Variants in PKD1L3 observed in about 807,000 individuals in gnomAD.
PKD1L3 encodes polycystin 1 like 3, transient receptor potential channel interacting.
A neutral mutation model predicts 184.1 loss-of-function variants in PKD1L3; 239 were observed. The ratio of observed to expected loss-of-function variants is 1.30; its 90% CI spans 1.17 to 1.45. The LOEUF (loss-of-function observed/expected upper bound fraction) is 1.45. PKD1L3 is among the 40% of genes most tolerant of loss of function. The pLI is 0.00. For missense variants in PKD1L3, 2,660 were observed against 2,067.2 expected (o/e 1.29, Z -5.56); for synonymous variants, 996 against 778.8 (o/e 1.28, Z -4.64).
rs545744516 is a variant in PKD1L3 at position 71,970,404 on chromosome 16, T to C, written c.1954-299A>G. ...AAAGGAATGTTTTGTCACCTTTGTC[T>C]ATAATTATCAAAAATAGGAAACAAC... is the stretch of plus-strand genomic sequence containing the variant. On this transcript the variant is annotated intron_variant, in intron 12 of 29. Transcript: ENST00000620267. 2.0e-5 allele frequency among the ~76,000 whole-genome samples: 3 copies of C among 152,354 alleles called. No homozygotes were observed. The South Asian group carries it at 6.2e-4, about 32-fold the overall frequency.
At chr16:71,957,897 A>G (rs943830663) in intron 16 of PKD1L3, among the ~76,000 whole-genome samples, 1 of 152,258 alleles carries the variant, frequency 6.6e-6, no homozygotes, top group Non-Finnish European at 1.5e-5. Flanking sequence ...GTCAATTAAG[A>G]AGATAAATTC....
At chr16:71,945,406 A>G (rs1394172832) in intron 22 of PKD1L3, among the ~76,000 whole-genome samples, 4 of 64,434 alleles carry the variant, frequency 6.2e-5, no homozygotes. Context: ...ATATTTATTT[A>G]TTTATTTATT....
At position 71,947,577 on chromosome 16, in the gene PKD1L3, T is replaced by C. The variant is rs1377321543; in HGVS notation, c.3633A>G (p.Thr1211=). The change falls in exon 22 of 30, where the codon ACA becomes ACG. Residue 1211 remains threonine (T), a synonymous_variant. Coordinates refer to ENST00000620267, the MANE Select transcript of PKD1L3 (RefSeq NM_181536.2). ...TGCTCATCATCAGTGAGTATAAGAA[T>C]GTGAAGAAGACCACCTGGGCAGGAG... ...ISQPVKVVFF[T]FLYSLMMSRM... 2 of 1,543,868 alleles carry C rather than the reference T, an allele frequency of 1.3e-6. No individual in the cohort carries two copies. Among genetic ancestry groups the C allele is most frequent in the South Asian group, 1.2e-5 (1 of 83,866 alleles).
rs943922925 is a variant in PKD1L3, at chr16:71,957,690, G to A, written c.2613-3389C>T. Among the ~76,000 whole-genome samples, 11 of 152,164 alleles carry A rather than the reference G, an allele frequency of 7.2e-5. No homozygotes were observed. The South Asian group carries it at 1.0e-3, about 14-fold the overall frequency. On this transcript the variant is annotated intron_variant, in intron 16 of 29. Coordinates refer to ENST00000620267, the MANE Select transcript of PKD1L3 (RefSeq NM_181536.2). ...CACATGCCTGTATTTCTAGCTACTC[G>A]GGAGGCTAAGGCAGGACAATTGCTT...
At chr16:71,941,231 A>T (rs1335673936) in intron 24 of PKD1L3, among the ~76,000 whole-genome samples, 2 of 151,058 alleles carry the variant, frequency 1.3e-5, no homozygotes, top group Admixed American at 1.3e-4. Flanking sequence ...TAGAGACAGT[A>T]AAGGATCAGA....
chr16:71,980,029 T>C lies in PKD1L3; in HGVS notation c.1249A>G (p.Asn417Asp). ...AACCTGCTCAGCAGCAGAGTAGCAT[T>C]GGCAGAGGTCAAAGTCACTGAAGAC... ...PESSVTLTSA[N>D]ATLLLSRQNI... is the part of the protein sequence containing the mutation. Residue 417 changes from asparagine (N) to aspartate (D), a missense_variant, in exon 8 of 30, where the codon AAT becomes GAT. Asn to Asp is a conservative substitution (Grantham distance 23). Coordinates refer to ENST00000620267, the MANE Select transcript of PKD1L3 (RefSeq NM_181536.2). The C allele has an allele frequency of 6.4e-7, 1 of 1,552,122 alleles. No homozygotes were observed. The highest frequency in any genetic ancestry group is 8.7e-7 in the Non-Finnish European group (1 of 1,147,092).
intron 3 of PKD1L3, 76 bp downstream of exon 3, chr16:71,993,140 A>C: frequency 9.7e-7 from 1 of 1,029,630 alleles, no homozygotes; most frequent in African/African-American, 1.6e-5. Flanking sequence ...TTTCAGCATT[A>C]ATTCAGTCTT....
At chr16:71,994,386 T>C (rs2040705332) in intron 2 of PKD1L3, among the ~76,000 whole-genome samples, 1 of 152,158 alleles carries the variant, frequency 6.6e-6, no homozygotes, top group African/African-American at 2.4e-5. Flanking sequence ...AGTCCTTCCA[T>C]GACTCTGACC....
chr16:71,974,786 T>C (rs2039856865), intron 11 of PKD1L3, among the ~76,000 whole-genome samples: 1 of 152,228 alleles, frequency 6.6e-6, no homozygotes, highest in Non-Finnish European at 1.5e-5. Context: ...TGAGCATTGC[T>C]GCCTCGGGGA....
intron 22 of PKD1L3, among the ~76,000 whole-genome samples, chr16:71,945,709 G>A (rs929319980): frequency 6.6e-6 from 1 of 151,886 alleles, no homozygotes; most frequent in African/African-American, 2.4e-5. Context: ...AAAATAACTA[G>A]AGGAGGGCAT....
rs145339592 is a variant in PKD1L3 at position 71,980,918 on chromosome 16, A to G, written c.1144-784T>C. 1.8e-3 allele frequency among the ~76,000 whole-genome samples: 272 copies of G among 152,276 alleles called. 1 individual carries two copies. Among genetic ancestry groups the G allele is most frequent in the African/African-American group, 6.4e-3 (265 of 41,558 alleles). ...TCCCTCTAGCTCTAGGCAACAACGA[A>G]TCTACTTTATGTGTCTACAGATTTG... is the stretch of plus-strand genomic sequence containing the variant. On this transcript the variant is annotated intron_variant, in intron 7 of 29. Transcript: ENST00000620267.
intron 24 of PKD1L3, among the ~76,000 whole-genome samples, chr16:71,939,207 C>T (rs2038280386): frequency 6.6e-6 from 1 of 152,268 alleles, no homozygotes; most frequent in Non-Finnish European, 1.5e-5. Flanking sequence ...AGCTGCCCAA[C>T]TCACTGCAGC....
Position 71,986,319 on chromosome 16 carries a change from G to A in PKD1L3, c.736C>T (p.Gln246Ter), listed in dbSNP as rs117071849. The A allele has an allele frequency of 5.5e-4, 846 of 1,552,120 alleles. 7 individuals carry two copies. In the East Asian group the frequency reaches 0.017, roughly 31 times the overall value. Residue 246 changes from glutamine to a stop codon, truncating the protein, a stop_gained, in exon 5 of 30, where the codon CAA (glutamine) becomes TAA (stop). Coordinates refer to ENST00000620267, the MANE Select transcript of PKD1L3 (RefSeq NM_181536.2). LOFTEE classifies it high-confidence loss of function. ...CTTGAAGTTGTTTCTGCCAGAGATT[G>A]CCCAGCATGCGTGACAGACACGGGC... ...TMPVSVTHAG[Q>*]SLAETTSSPK...
chr16:71,979,911 G>A lies in PKD1L3; in HGVS notation c.1273C>T (p.Gln425Ter), dbSNP rs1245074971. 7 of 1,550,734 alleles carry A rather than the reference G, an allele frequency of 4.5e-6. No homozygotes were observed. The highest frequency in any genetic ancestry group is 6.1e-6 in the Non-Finnish European group (7 of 1,146,872). ...SANATLLLSR[Q>*]NISTLPLSSY... ...CTCAGCGGTAAAGTTGATATGTTTT[G>A]TCTAATGAGAAAAGTTAAAATGGAA... Residue 425 changes from glutamine (Q) to a stop codon, truncating the protein, a stop_gained and splice_region_variant, in exon 9 of 30, where the codon CAA becomes TAA. Coordinates refer to ENST00000620267, the MANE Select transcript of PKD1L3 (RefSeq NM_181536.2). LOFTEE classifies it high-confidence loss of function.
chr16:71,952,710 C>T lies in PKD1L3; in HGVS notation c.3009+184G>A, dbSNP rs368288997. ...AATTAGCCAGACATGGTGTCACATGCCTGTAGTCCCAGCTACTTGGGAGGC... is the reference window on the plus strand; with the variant it reads ...AATTAGCCAGACATGGTGTCACATGTCTGTAGTCCCAGCTACTTGGGAGGC... On this transcript the variant is annotated intron_variant, in intron 18 of 29. Transcript: ENST00000620267. 7.9e-4 allele frequency among the ~76,000 whole-genome samples: 119 copies of T among 151,212 alleles called. 2 individuals carry two copies. The highest frequency in any genetic ancestry group is 2.7e-3 in the African/African-American group (111 of 41,272).
At chr16:71,967,614 G>A (rs192759035) in intron 14 of PKD1L3, among the ~76,000 whole-genome samples, 2 of 152,162 alleles carry the variant, frequency 1.3e-5, no homozygotes, top group African/African-American at 4.8e-5. Context: ...ATAGTCATGG[G>A]CCATCACGCT....
intron 26 of PKD1L3, among the ~76,000 whole-genome samples, 158 bp from the exon 27 acceptor site, chr16:71,934,283 G>T (rs1282252345): frequency 2.0e-5 from 3 of 152,198 alleles, no homozygotes; most frequent in Admixed American, 1.3e-4. Flanking sequence ...CCTGTGAGTT[G>T]TGGATATGGG....
rs747776759 is a variant in PKD1L3, at chr16:71,942,746, C to T, written c.4138G>A (p.Glu1380Lys). Residue 1380 changes from glutamate to lysine, a missense_variant, in exon 24 of 30, where the codon GAA (glutamate) becomes AAA (lysine). Physicochemically the swap from Glu to Lys is moderately conservative, Grantham distance 56. Transcript: ENST00000620267. ...TTATCACAAAACGCCAGCTGACCTT[C>T]GTCCACTTTCTCATAGGTCTTGGTA... is the stretch of plus-strand genomic sequence containing the variant. ...PRTKTYEKVD[E>K]GQLAFCDNGH... is the part of the protein sequence containing the mutation. 26 of 1,551,588 alleles carry T rather than the reference C, an allele frequency of 1.7e-5. No homozygotes were observed. Among genetic ancestry groups the T allele is most frequent in the East Asian group, 4.9e-5 (2 of 40,936 alleles).
At chr16:71,991,964 C>T (rs1333294220) in intron 3 of PKD1L3, among the ~76,000 whole-genome samples, 2 of 152,194 alleles carry the variant, frequency 1.3e-5, no homozygotes, top group African/African-American at 4.8e-5. Context: ...TGGACCACCA[C>T]ATCTAATTTT....
Sources: gnomAD v4.1 joint callset for allele counts (sites outside exome capture counted in the v4.1 genomes callset) on GRCh38, gnomAD v4.1.1 for gene constraint, MANE v1.5 for transcripts, NCBI Gene and HGNC (gene_info 2026-07-23, HGNC 2026-07-21) for gene names.